NXPH1: variants seen among roughly 807,000 people sequenced by gnomAD.
NXPH1 encodes neurexophilin-1.
A neutral mutation model predicts 23.7 loss-of-function variants in NXPH1; 5 were observed. The observed-to-expected ratio is 0.21, with a 90% confidence interval of 0.11 to 0.44. NXPH1 has a LOEUF of 0.44. Ranked by LOEUF, NXPH1 falls within the 20% of genes least tolerant of loss-of-function variation. NXPH1 has a pLI of 0.99. For missense variants in NXPH1, 324 were observed against 321.6 expected (o/e 1.01, Z -0.06); for synonymous variants, 144 against 122.2 (o/e 1.18, Z -1.18).
intron 2 of NXPH1, among the ~76,000 whole-genome samples, chr7:8,486,131 A>C (rs936755008): frequency 1.3e-5 from 2 of 152,180 alleles, no homozygotes; most frequent in African/African-American, 4.8e-5. Context: ...ATTTCTGATA[A>C]AATTGATTTT....
At chr7:8,440,353 T>G (rs930354987) in intron 2 of NXPH1, among the ~76,000 whole-genome samples, 25 of 152,334 alleles carry the variant, frequency 1.6e-4, no homozygotes. Context: ...TAGTGACAGC[T>G]TTAGAGAAGC....
At chr7:8,583,374 G>A (rs1210591014) in intron 2 of NXPH1, among the ~76,000 whole-genome samples, 1 of 152,150 alleles carries the variant, frequency 6.6e-6, no homozygotes, top group East Asian at 1.9e-4. Flanking sequence ...AAGTTACATG[G>A]CCTCTCTATG....
chr7:8,579,672 G>A (rs776412785), intron 2 of NXPH1, among the ~76,000 whole-genome samples: 1 of 152,136 alleles, frequency 6.6e-6, no homozygotes, highest in Admixed American at 6.5e-5. Flanking sequence ...ACGCCTGGCC[G>A]GAATTCAAGT....
chr7:8,636,957 C>G (rs568945984), intron 2 of NXPH1, among the ~76,000 whole-genome samples: 13 of 152,268 alleles, frequency 8.5e-5, no homozygotes, highest in African/African-American at 2.9e-4. Context: ...GATCTAGGGA[C>G]ATTGCTTTGA....
chr7:8,592,094 A>G (rs1320116100), intron 2 of NXPH1, among the ~76,000 whole-genome samples: 1 of 151,982 alleles, frequency 6.6e-6, no homozygotes, highest in Non-Finnish European at 1.5e-5. Flanking sequence ...CTAAATATAT[A>G]ACTGTAAGGG....
Position 8,462,156 on chromosome 7 carries a change from C to A in NXPH1, c.54+26389C>A, listed in dbSNP as rs180679623. On this transcript the variant is annotated intron_variant, in intron 2 of 2. Coordinates refer to ENST00000405863, the MANE Select transcript of NXPH1 (RefSeq NM_152745.3). ...CCCTGCCTCATGGGTTCAAGTGATT[C>A]TCCCACCTCAGCCTCCCAAGTAGCT... 2.0e-5 allele frequency among the ~76,000 whole-genome samples: 3 copies of A among 152,196 alleles called. No individual in the cohort carries two copies. In the South Asian group the frequency reaches 6.2e-4, roughly 32 times the overall value.
intron 2 of NXPH1, among the ~76,000 whole-genome samples, chr7:8,503,374 G>A (rs988555119): frequency 1.3e-5 from 2 of 151,856 alleles, no homozygotes; most frequent in African/African-American, 2.4e-5. Context: ...CCCCTGTGCG[G>A]CCTCTTTGTC....
At chr7:8,661,118 C>A (rs1820663516) in intron 2 of NXPH1, among the ~76,000 whole-genome samples, 1 of 152,082 alleles carries the variant, frequency 6.6e-6, no homozygotes, top group Non-Finnish European at 1.5e-5. Flanking sequence ...GTAGTCAAAG[C>A]AAGAATAACT....
intron 2 of NXPH1, among the ~76,000 whole-genome samples, chr7:8,648,473 C>T (rs1011621524): frequency 2.0e-5 from 3 of 152,162 alleles, no homozygotes; most frequent in Non-Finnish European, 2.9e-5. Context: ...GTTCCACCCG[C>T]GTTGTTGCAA....
intron 2 of NXPH1, among the ~76,000 whole-genome samples, chr7:8,657,685 C>T (rs1453548274): frequency 6.6e-6 from 1 of 152,118 alleles, no homozygotes; most frequent in African/African-American, 2.4e-5. Flanking sequence ...TTATAAACTT[C>T]AAAAATTAAA....
intron 2 of NXPH1, among the ~76,000 whole-genome samples, chr7:8,503,403 G>A (rs1364233327): frequency 6.6e-6 from 1 of 151,944 alleles, no homozygotes; most frequent in East Asian, 2.0e-4. Context: ...CACCGGTGAT[G>A]CATGGTCAGT....
intron 2 of NXPH1, among the ~76,000 whole-genome samples, chr7:8,630,021 C>G (rs1362610234): frequency 6.6e-6 from 1 of 152,030 alleles, no homozygotes; most frequent in African/African-American, 2.4e-5. Flanking sequence ...GATTGGTGAA[C>G]ATTTTACTCC....
chr7:8,681,769 T>A (rs557727626), intron 2 of NXPH1, among the ~76,000 whole-genome samples: 1 of 152,356 alleles, frequency 6.6e-6, no homozygotes, highest in African/African-American at 2.4e-5. Context: ...ACATCAGGCC[T>A]GTGTCAGGCT....
rs1816317126 is a variant in NXPH1, at chr7:8,442,346, G to A, written c.54+6579G>A. On this transcript the variant is annotated intron_variant, in intron 2 of 2. Transcript: ENST00000405863. The surrounding 1 kb of genome is among the most constrained non-coding windows in gnomAD (Gnocchi z 4.6). Reference sequence around the variant, plus strand: ...AGTGTTTCCTTAGAAACTGGCTTGCGGGAGCTCTGCGCGTCCCCGCTGAAC... The same window carrying A: ...AGTGTTTCCTTAGAAACTGGCTTGCAGGAGCTCTGCGCGTCCCCGCTGAAC... Among the ~76,000 whole-genome samples, 1 of 152,150 alleles carries A rather than the reference G, an allele frequency of 6.6e-6. No homozygotes were observed. Among genetic ancestry groups the A allele is most frequent in the Admixed American group, 6.5e-5 (1 of 15,282 alleles).
intron 2 of NXPH1, among the ~76,000 whole-genome samples, chr7:8,444,182 GC>G (rs1816356951): frequency 6.6e-6 from 1 of 152,212 alleles, no homozygotes; most frequent in Non-Finnish European, 1.5e-5. Context: ...ACCCGATTCT[GC>G]AAATTCTCGC....
intron 2 of NXPH1, among the ~76,000 whole-genome samples, chr7:8,547,232 G>A (rs1346900515): frequency 6.6e-6 from 1 of 151,412 alleles, no homozygotes; most frequent in Non-Finnish European, 1.5e-5. Context: ...GGGGGAAATT[G>A]GAGGAGAGAA....
Position 8,643,702 on chromosome 7 carries a change from G to A in NXPH1, c.55-107306G>A, listed in dbSNP as rs115960650. On this transcript the variant is annotated intron_variant, in intron 2 of 2. Coordinates refer to ENST00000405863, the MANE Select transcript of NXPH1 (RefSeq NM_152745.3). ...GCTTACTAATTATTGTTATTTAACT[G>A]AACAAAACTTTTTACTTTTAGGTTC... Among the ~76,000 whole-genome samples, 1,131 of 152,092 alleles carry A rather than the reference G, an allele frequency of 7.4e-3. 20 individuals are homozygous for A. Among genetic ancestry groups the A allele is most frequent in the African/African-American group, 0.025 (1,058 of 41,506 alleles).
intron 2 of NXPH1, among the ~76,000 whole-genome samples, chr7:8,575,327 A>C (rs1818731742): frequency 6.6e-6 from 1 of 152,188 alleles, no homozygotes; most frequent in Admixed American, 6.5e-5. Context: ...TTCTCCTTTA[A>C]GTACAAGCTG....
chr7:8,603,936 A>T (rs1408523325), intron 2 of NXPH1, among the ~76,000 whole-genome samples: 1 of 152,190 alleles, frequency 6.6e-6, no homozygotes, highest in Non-Finnish European at 1.5e-5. Context: ...AAAAATATCA[A>T]GACTATTATT....
Sources: allele counts gnomAD v4.1 joint callset (sites outside exome capture counted in the v4.1 genomes callset), GRCh38; gene constraint gnomAD v4.1.1; non-coding constraint Gnocchi (gnomAD v3.1); transcripts MANE v1.5; gene names NCBI Gene and HGNC (gene_info 2026-07-23, HGNC 2026-07-21).